The following PIEZO2 variants were observed in gnomAD, a reference collection of about 807,000 sequenced individuals.
The protein encoded by PIEZO2 is piezo type mechanosensitive ion channel component 2, also known as piezo-type mechanosensitive ion channel component 2.
In PIEZO2, 172 loss-of-function variants were observed where a neutral mutation model predicts 337.3. That is an observed-to-expected ratio of 0.51 (90% CI 0.45 to 0.58). The LOEUF (loss-of-function observed/expected upper bound fraction) is 0.58, where lower values mean the gene tolerates loss of function less well. Among genes scored for constraint, PIEZO2 ranks in the 20% least tolerant of loss-of-function variants. The probability of loss-of-function intolerance (pLI) is 0.00; values close to 1 mark genes in which losing one functional copy is unlikely to be tolerated. For synonymous variants in PIEZO2, 1,251 were observed against 1,228.5 expected (o/e 1.02, Z -0.38); for missense variants, 3,028 against 3,391.3 (o/e 0.89, Z 2.66).
intron 41 of PIEZO2, 150 bp downstream of exon 41, chr18:10,705,186 G>T (rs990165634): frequency 8.7e-6 from 9 of 1,029,530 alleles, no homozygotes; most frequent in South Asian, 1.8e-5. Context: ...CTTTGTACTT[G>T]CAGTGCAAGA....
chr18:11,049,118 C>T (rs1200429658), intron 2 of PIEZO2, among the ~76,000 whole-genome samples: 3 of 152,044 alleles, frequency 2.0e-5, no homozygotes, highest in Admixed American at 6.6e-5. Context: ...GGAAAATAAC[C>T]CTAAGAAGTC....
In PIEZO2 at chr18:10,760,193, T is replaced by A. The variant is rs72976259; in HGVS notation, c.3451-284A>T. Among the ~76,000 whole-genome samples, 34,457 of 152,230 alleles carry A rather than the reference T, an allele frequency of 0.23. 4,026 individuals carry two copies. Among genetic ancestry groups the A allele is most frequent in the Non-Finnish European group, 0.26 (17,953 of 67,990 alleles). On this transcript the variant is annotated intron_variant, in intron 24 of 55. Coordinates refer to ENST00000674853, the MANE Select transcript of PIEZO2 (RefSeq NM_001378183.1). ...TCTCCTCATGAAACATCACCATTCC[T>A]ACTTCATTCTATGAAGGCACAGGCA...
chr18:10,941,869 A>G (rs999725262), intron 3 of PIEZO2, among the ~76,000 whole-genome samples: 4 of 152,182 alleles, frequency 2.6e-5, no homozygotes, highest in South Asian at 2.1e-4. Context: ...AGCTCCCATA[A>G]TTCCCACATG....
At chr18:11,122,754 T>A (rs1190560353) in intron 1 of PIEZO2, among the ~76,000 whole-genome samples, 1 of 152,160 alleles carries the variant, frequency 6.6e-6, no homozygotes, top group East Asian at 1.9e-4. Flanking sequence ...ATTGTCTTCA[T>A]CCAGATGCAG....
intron 18 of PIEZO2, among the ~76,000 whole-genome samples, chr18:10,778,553 C>A (rs973005151): frequency 6.6e-6 from 1 of 152,048 alleles, no homozygotes; most frequent in African/African-American, 2.4e-5. Context: ...AGGATGGTCT[C>A]GATCTCCTGA....
rs1312188912 is a variant in PIEZO2, at chr18:11,110,095, A to G, written c.64+38430T>C. On this transcript the variant is annotated intron_variant, in intron 1 of 55. Coordinates refer to ENST00000674853, the MANE Select transcript of PIEZO2 (RefSeq NM_001378183.1). This position sits in a 1 kb window ranked among gnomAD's most constrained non-coding sequence, Gnocchi z 4.2. ...AATGCTCTCATTTTCCCAAGACTAC[A>G]ACTTGGGAAGTTTCAGCCTTTCCTT... 6.6e-6 allele frequency among the ~76,000 whole-genome samples: 1 copy of G among 152,156 alleles called. No homozygotes were observed. The highest frequency in any genetic ancestry group is 1.9e-4 in the East Asian group (1 of 5,176).
intron 1 of PIEZO2, among the ~76,000 whole-genome samples, chr18:11,108,308 G>T (rs2039628574): frequency 6.6e-6 from 1 of 152,096 alleles, no homozygotes. Flanking sequence ...GCTGTTAAAT[G>T]TAACATGTGT....
At chr18:11,098,840 C>A in intron 1 of PIEZO2, among the ~76,000 whole-genome samples, 1 of 151,954 alleles carries the variant, frequency 6.6e-6, no homozygotes, top group Non-Finnish European at 1.5e-5. Flanking sequence ...CTCTGTCACC[C>A]AGGCTGCAGT....
Position 10,767,999 on chromosome 18 carries a change from T to C in PIEZO2, c.2946+2149A>G, listed in dbSNP as rs899688992. Among the ~76,000 whole-genome samples, 1 of 152,154 alleles carries C rather than the reference T, an allele frequency of 6.6e-6. No individual in the cohort carries two copies. Among genetic ancestry groups the C allele is most frequent in the African/African-American group, 2.4e-5 (1 of 41,434 alleles). Reference sequence around the variant, plus strand: ...ATCCCAGGGGGCCTTGCCCTGAGCCTGTGAGTCTGAGCTCCAGCCCAGGAA... The same window carrying C: ...ATCCCAGGGGGCCTTGCCCTGAGCCCGTGAGTCTGAGCTCCAGCCCAGGAA... On this transcript the variant is annotated intron_variant, in intron 21 of 55. Coordinates refer to ENST00000674853, the MANE Select transcript of PIEZO2 (RefSeq NM_001378183.1). This position sits in a 1 kb window ranked among gnomAD's most constrained non-coding sequence, Gnocchi z 4.2.
chr18:11,051,370 G>GT (rs1568330522), intron 2 of PIEZO2, among the ~76,000 whole-genome samples: 12,781 of 97,068 alleles, frequency 0.13, 901 homozygotes, highest in African/African-American at 0.23. Context: ...TGTGTGTGTG[G>GT]GTGTGGGTGT....
intron 1 of PIEZO2, among the ~76,000 whole-genome samples, chr18:11,139,218 G>T (rs574294241): frequency 3.3e-5 from 5 of 152,040 alleles, no homozygotes; most frequent in Non-Finnish European, 7.4e-5. Flanking sequence ...TCAAAAACAG[G>T]GGTCAATCTG....
chr18:11,090,466 T>C (rs1468531307), intron 1 of PIEZO2, among the ~76,000 whole-genome samples: 1 of 152,154 alleles, frequency 6.6e-6, no homozygotes, highest in Admixed American at 6.5e-5. Context: ...GGGTTTACAA[T>C]ACCCACTGAC....
At chr18:10,881,831 C>T (rs1356053205) in intron 4 of PIEZO2, among the ~76,000 whole-genome samples, 3 of 152,176 alleles carry the variant, frequency 2.0e-5, no homozygotes, top group African/African-American at 4.8e-5. Flanking sequence ...AAACCTAGAG[C>T]GCCAAATCCA....
rs1224136974 is a variant in PIEZO2, at chr18:11,102,033, C to T, written c.65-35811G>A. ...GGATCCTGGGGCCCTGATTTGGAGG[C>T]TATAGACTTAAGCATTCAGAATTAT... On this transcript the variant is annotated intron_variant, in intron 1 of 55. Transcript: ENST00000674853. This position sits in a 1 kb window ranked among gnomAD's most constrained non-coding sequence, Gnocchi z 5.7. 6.6e-6 allele frequency among the ~76,000 whole-genome samples: 1 copy of T among 152,104 alleles called. No homozygotes were observed. The highest frequency in any genetic ancestry group is 1.5e-5 in the Non-Finnish European group (1 of 68,028).
intron 39 of PIEZO2, 97 bp downstream of exon 39, chr18:10,714,667 G>A: frequency 7.2e-7 from 1 of 1,389,404 alleles, no homozygotes. Context: ...GCATGGTTTT[G>A]ATGAACTTTC....
chr18:11,014,251 GGT>G (rs2036004754), intron 2 of PIEZO2, among the ~76,000 whole-genome samples: 6 of 144,448 alleles, frequency 4.2e-5, no homozygotes, highest in Non-Finnish European at 6.1e-5. Flanking sequence ...ATGTCACCCT[GGT>G]GGGACAGCGA....
chr18:10,811,837 C>CT (rs1232303930), intron 7 of PIEZO2, among the ~76,000 whole-genome samples: 2 of 152,038 alleles, frequency 1.3e-5, no homozygotes, highest in African/African-American at 4.8e-5. Flanking sequence ...TTGTTTTTTT[C>CT]TTTTTTGTTT....
chr18:10,785,623 T>G (rs2039193183), intron 16 of PIEZO2, among the ~76,000 whole-genome samples: 1 of 152,182 alleles, frequency 6.6e-6, no homozygotes, highest in Admixed American at 6.5e-5. Context: ...CTGCGCAAAC[T>G]GAGAAGTCAG....
intron 2 of PIEZO2, among the ~76,000 whole-genome samples, chr18:11,050,551 A>G (rs1270191666): frequency 2.2e-5 from 3 of 139,190 alleles, no homozygotes; most frequent in African/African-American, 7.8e-5. Flanking sequence ...ACACACACAC[A>G]CACACACGAT....
Sources: gnomAD v4.1 joint callset for allele counts (sites outside exome capture counted in the v4.1 genomes callset) on GRCh38, gnomAD v4.1.1 for gene constraint, Gnocchi (gnomAD v3.1) non-coding constraint, MANE v1.5 for transcripts, NCBI Gene and HGNC (gene_info 2026-07-23, HGNC 2026-07-21) for gene names.